The following CCDC90B variants were observed in gnomAD, a reference collection of about 807,000 sequenced individuals.
CCDC90B encodes the protein coiled-coil domain containing 90B.
CCDC90B carries 24 observed loss-of-function variants against 37.0 expected under a neutral mutation model. The ratio of observed to expected loss-of-function variants is 0.65; its 90% CI spans 0.47 to 0.91. The LOEUF (loss-of-function observed/expected upper bound fraction) is 0.91. CCDC90B is among the 40% of genes least tolerant of loss of function. The pLI is 0.00. For synonymous variants in CCDC90B, 113 were observed against 101.1 expected, an observed-to-expected ratio of 1.12 and a Z score of -0.71; for missense variants, 319 against 299.0, an observed-to-expected ratio of 1.07 and a Z score of -0.49.
At chr11:83,268,037 T>A (rs910469824) in intron 7 of CCDC90B, among the ~76,000 whole-genome samples, 1 of 152,164 alleles carries the variant, frequency 6.6e-6, no homozygotes, top group African/African-American at 2.4e-5. Flanking sequence ...TAAAATCCTT[T>A]ACAGACAAGC....
intron 8 of CCDC90B, among the ~76,000 whole-genome samples, chr11:83,262,527 T>TA (rs944404785): frequency 1.2e-3 from 179 of 151,812 alleles, no homozygotes; most frequent in Non-Finnish European, 2.8e-4. Context: ...TCATTTTGGA[T>TA]AAAAAAAAAT....
At chr11:83,270,688 A>G (rs968321779) in intron 7 of CCDC90B, among the ~76,000 whole-genome samples, 1 of 152,252 alleles carries the variant, frequency 6.6e-6, no homozygotes, top group African/African-American at 2.4e-5. Flanking sequence ...GCTCATGGAT[A>G]GGAAGAATCA....
chr11:83,278,438 G>A (rs908563529), intron 3 of CCDC90B, among the ~76,000 whole-genome samples: 2 of 152,176 alleles, frequency 1.3e-5, no homozygotes, highest in African/African-American at 4.8e-5. Flanking sequence ...GAGGGAAAAA[G>A]TTGTTTCACA....
At chr11:83,276,754 T>C (rs1299488886) in intron 3 of CCDC90B, among the ~76,000 whole-genome samples, 1 of 152,254 alleles carries the variant, frequency 6.6e-6, no homozygotes, top group African/African-American at 2.4e-5. Context: ...ACTTTAAATG[T>C]ACACATAATC....
chr11:83,275,537 T>A (rs200634385), intron 3 of CCDC90B, among the ~76,000 whole-genome samples: 16,895 of 113,062 alleles, frequency 0.15, 1,248 homozygotes, highest in Middle Eastern at 0.29. Flanking sequence ...AAAAAAAAAA[T>A]TTGAAATCTG....
intron 7 of CCDC90B, among the ~76,000 whole-genome samples, chr11:83,271,003 G>C (rs1259667008): frequency 1.3e-5 from 2 of 152,140 alleles, no homozygotes; most frequent in African/African-American, 4.8e-5. Context: ...TGACAAACCT[G>C]ACAAAAACAA....
Position 83,260,407 on chromosome 11 carries a change from TTAATC to T in CCDC90B, c.*1499_*1503del, listed in dbSNP as rs1298961529. On this transcript the variant is annotated 3_prime_UTR_variant, in exon 9 of 9. Coordinates refer to ENST00000529689, the MANE Select transcript of CCDC90B (RefSeq NM_021825.5). ...AACTTATTAATTGACTCAGTGAAAA[TTAATC>T]TATAATATACTAAGAACTCTCTTAG... The T allele has an allele frequency of 2.0e-5, 3 of 152,146 alleles. No individual in the cohort carries two copies. The highest frequency in any genetic ancestry group is 4.4e-5 in the Non-Finnish European group (3 of 68,030). 9.4% of individuals were successfully genotyped at this position (152,146 alleles called of 1,614,324 possible).
intron 1 of CCDC90B, chr11:83,285,102 T>TA: frequency 8.3e-7 from 1 of 1,205,688 alleles, no homozygotes; most frequent in Non-Finnish European, 1.1e-6. Flanking sequence ...GTAGAAGTGT[T>TA]TGGGTACCGA....
intron 8 of CCDC90B, among the ~76,000 whole-genome samples, chr11:83,262,940 A>G (rs1001918457): frequency 3.3e-5 from 5 of 152,214 alleles, no homozygotes; most frequent in Admixed American, 3.3e-4. Flanking sequence ...CTATGCTACT[A>G]TGCTGAGCAA....
chr11:83,270,048 C>T (rs1432652589), intron 7 of CCDC90B, among the ~76,000 whole-genome samples: 2 of 152,116 alleles, frequency 1.3e-5, no homozygotes, highest in Non-Finnish European at 2.9e-5. Context: ...GAACCAAAGA[C>T]AAAACCACAT....
intron 1 of CCDC90B, among the ~76,000 whole-genome samples, chr11:83,281,541 A>G (rs1865383075): frequency 6.6e-6 from 1 of 152,208 alleles, no homozygotes; most frequent in Non-Finnish European, 1.5e-5. Flanking sequence ...ATAAAGGTGG[A>G]GCAATTTTTA....
At chr11:83,267,947 C>T (rs1002185474) in intron 7 of CCDC90B, among the ~76,000 whole-genome samples, 1 of 152,112 alleles carries the variant, frequency 6.6e-6, no homozygotes, top group Non-Finnish European at 1.5e-5. Flanking sequence ...AGAGTGGGGG[C>T]CAATATTCAA....
intron 1 of CCDC90B, among the ~76,000 whole-genome samples, chr11:83,280,929 A>C (rs181779018): frequency 6.6e-6 from 1 of 152,366 alleles, no homozygotes; most frequent in East Asian, 1.9e-4. Context: ...ACTGGTATCA[A>C]CATAAGAACC....
chr11:83,281,477 A>G (rs1865379473), intron 1 of CCDC90B, among the ~76,000 whole-genome samples: 1 of 152,240 alleles, frequency 6.6e-6, no homozygotes, highest in African/African-American at 2.4e-5. Context: ...AAGATTCATT[A>G]AAATACTCCA....
rs1202377828 is a variant in CCDC90B, at chr11:83,286,249, C to T, written c.-277G>A. ...CTTCACCGCCCTAGGAAAGCGAGAT[C>T]TTGTCAGAGAACCTTCCGGCGCCTG... is the stretch of plus-strand genomic sequence containing the variant. On this transcript the variant is annotated 5_prime_UTR_variant, in exon 1 of 9. Transcript: ENST00000529689. The T allele has an allele frequency of 2.7e-6, 4 of 1,471,258 alleles. No individual in the cohort carries two copies. The highest frequency in any genetic ancestry group is 3.7e-6 in the Non-Finnish European group (4 of 1,093,952). 91.1% of individuals were successfully genotyped at this position (1,471,258 alleles called of 1,614,324 possible).
At position 83,261,179 on chromosome 11, in the gene CCDC90B, G is replaced by C. The variant is rs988515714; in HGVS notation, c.*732C>G. Reference sequence around the variant, plus strand: ...TCTCGGCTCACTGCAAGATTCTCCTGCCTCAGCCTCCCGAGTAGCTGGAAT... The same window carrying C: ...TCTCGGCTCACTGCAAGATTCTCCTCCCTCAGCCTCCCGAGTAGCTGGAAT... On this transcript the variant is annotated 3_prime_UTR_variant, in exon 9 of 9. Coordinates refer to ENST00000529689, the MANE Select transcript of CCDC90B (RefSeq NM_021825.5). The C allele has an allele frequency of 6.6e-6, 1 of 152,106 alleles. No homozygotes were observed. The highest frequency in any genetic ancestry group is 2.4e-5 in the African/African-American group (1 of 41,392). 9.4% of individuals were successfully genotyped at this position (152,106 alleles called of 1,614,324 possible).
intron 7 of CCDC90B, among the ~76,000 whole-genome samples, chr11:83,269,699 C>T (rs1046615749): frequency 3.3e-5 from 5 of 152,116 alleles, no homozygotes; most frequent in East Asian, 1.9e-4. Flanking sequence ...CAGGACCAGA[C>T]AGATTCACAG....
At chr11:83,265,623 C>G (rs1038132661) in intron 8 of CCDC90B, among the ~76,000 whole-genome samples, 2 of 152,052 alleles carry the variant, frequency 1.3e-5, no homozygotes, top group African/African-American at 2.4e-5. Context: ...ATGTTCCTTC[C>G]TTTGGCTGCG....
chr11:83,278,364 G>T (rs559347404), intron 3 of CCDC90B, among the ~76,000 whole-genome samples: 10 of 152,290 alleles, frequency 6.6e-5, no homozygotes, highest in African/African-American at 9.6e-5. Flanking sequence ...CAATGTGTAT[G>T]TATAGCAGCA....
Sources: allele counts gnomAD v4.1 joint callset (sites outside exome capture counted in the v4.1 genomes callset), GRCh38; gene constraint gnomAD v4.1.1; transcripts MANE v1.5; gene names NCBI Gene and HGNC (gene_info 2026-07-23, HGNC 2026-07-21).